The following KIAA0319 variants were observed in gnomAD, a reference collection of about 807,000 sequenced individuals.
KIAA0319 encodes the protein dyslexia-associated protein KIAA0319.
Under a neutral mutation model 108.4 loss-of-function variants are expected in KIAA0319, and 83 were observed. That is an observed-to-expected ratio of 0.77 (90% CI 0.64 to 0.92). The LOEUF (loss-of-function observed/expected upper bound fraction) is 0.92. Ranked by LOEUF, KIAA0319 falls within the 40% of genes least tolerant of loss-of-function variation. The probability of loss-of-function intolerance (pLI) is 0.00; values close to 1 mark genes in which losing one functional copy is unlikely to be tolerated. For missense variants in KIAA0319, 1,195 were observed against 1,322.4 expected, an observed-to-expected ratio of 0.90 and a Z score of 1.49; for synonymous variants, 484 against 510.4, an observed-to-expected ratio of 0.95 and a Z score of 0.70.
chr6:24,558,281 A>AG (rs985242314), intron 17 of KIAA0319, among the ~76,000 whole-genome samples: 96 of 151,876 alleles, frequency 6.3e-4, no homozygotes, highest in Middle Eastern at 3.4e-3. Flanking sequence ...ACCAAAAAAA[A>AG]AGAAAAGAAA....
At chr6:24,578,339 A>T in intron 8 of KIAA0319, 97 bp from the exon 9 acceptor site, 1 of 891,868 alleles carries the variant, frequency 1.1e-6, no homozygotes, top group Non-Finnish European at 1.7e-6. Flanking sequence ...CATTTTTATA[A>T]GAAATTATGT....
At position 24,544,558 on chromosome 6, in the gene KIAA0319, C is replaced by T. The variant is rs540265130; in HGVS notation, c.*2607G>A. 2.6e-5 allele frequency: 4 copies of T among 152,286 alleles called. No individual in the cohort carries two copies. Among genetic ancestry groups the T allele is most frequent in the African/African-American group, 7.2e-5 (3 of 41,566 alleles). The allele number at this position is 152,286 out of a possible 1,614,324, so 9.4% of individuals were successfully genotyped here. On this transcript the variant is annotated 3_prime_UTR_variant, in exon 21 of 21. Transcript: ENST00000378214. Reference sequence around the variant, plus strand: ...CTTGTTGAGTGGTACATTTTCTTACCTTGCTGCATGTTTTTCAGATAGTTC... The same window carrying T: ...CTTGTTGAGTGGTACATTTTCTTACTTTGCTGCATGTTTTTCAGATAGTTC...
Position 24,546,974 on chromosome 6 carries a change from A to T in KIAA0319, c.*191T>A. Reference sequence around the variant, plus strand: ...CCAGCCTTTATTTCTATTAACAAGCATCTCAGTTAAAAGAGCAAAGTTTTT... The same window carrying T: ...CCAGCCTTTATTTCTATTAACAAGCTTCTCAGTTAAAAGAGCAAAGTTTTT... On this transcript the variant is annotated 3_prime_UTR_variant, in exon 21 of 21. Coordinates refer to ENST00000378214, the MANE Select transcript of KIAA0319 (RefSeq NM_014809.4). 1.8e-6 allele frequency: 1 copy of T among 560,190 alleles called. No homozygotes were observed. Among genetic ancestry groups the T allele is most frequent in the Non-Finnish European group, 3.2e-6 (1 of 314,908 alleles). 34.7% of individuals were successfully genotyped at this position (560,190 alleles called of 1,614,324 possible).
At chr6:24,601,678 T>A (rs1171095433) in intron 1 of KIAA0319, among the ~76,000 whole-genome samples, 1 of 152,176 alleles carries the variant, frequency 6.6e-6, no homozygotes, top group Non-Finnish European at 1.5e-5. Flanking sequence ...GGAGGCATGT[T>A]TGGCTTTCTC....
intron 3 of KIAA0319, among the ~76,000 whole-genome samples, chr6:24,592,947 C>T (rs563199164): frequency 2.6e-5 from 4 of 151,728 alleles, no homozygotes; most frequent in South Asian, 2.1e-4. Context: ...ACTCCAGCCT[C>T]GGTGACAAAG....
intron 20 of KIAA0319, 87 bp downstream of exon 20, chr6:24,551,347 G>C (rs762691823): frequency 2.5e-5 from 22 of 881,080 alleles, no homozygotes; most frequent in South Asian, 4.1e-5. Flanking sequence ...CCAGCAAATC[G>C]TTCTCCCTCT....
At chr6:24,596,720 G>C (rs1304633967) in intron 2 of KIAA0319, 102 bp from the exon 3 acceptor site, 1 of 1,051,752 alleles carries the variant, frequency 9.5e-7, no homozygotes, top group African/African-American at 1.6e-5. Context: ...TCCCTGGCCA[G>C]TCTGGCAAGC....
intron 1 of KIAA0319, among the ~76,000 whole-genome samples, chr6:24,610,282 G>T (rs1230415436): frequency 1.3e-5 from 2 of 152,124 alleles, no homozygotes; most frequent in East Asian, 3.9e-4. Flanking sequence ...AACCTGAATA[G>T]ACAGTTCTCC....
intron 11 of KIAA0319, 93 bp downstream of exon 11, chr6:24,572,482 G>A (rs1449968019): frequency 4.2e-6 from 6 of 1,426,776 alleles, no homozygotes; most frequent in Admixed American, 2.2e-5. Flanking sequence ...CCCACAGGCC[G>A]GTACCACCAA....
Position 24,601,140 on chromosome 6 carries a change from G to A in KIAA0319, c.-37C>T, listed in dbSNP as rs1327693081. 3 of 1,612,590 alleles carry A rather than the reference G, an allele frequency of 1.9e-6. No individual in the cohort carries two copies. The highest frequency in any genetic ancestry group is 4.5e-5 in the East Asian group (2 of 44,840). On this transcript the variant is annotated 5_prime_UTR_variant, in exon 2 of 21. Transcript: ENST00000378214. The stretch of plus-strand genomic sequence containing the variant: ...CAGTGGGTGATGGCAGGCTTCTGAG[G>A]CGGCCCTGAAGAGAGTTTGGTGCAA...
intron 3 of KIAA0319, among the ~76,000 whole-genome samples, chr6:24,595,546 C>CAAAAAAAAAAAAAAA (rs60291863): frequency 2.3e-5 from 1 of 43,276 alleles, no homozygotes. Flanking sequence ...GATTCAATCT[C>CAAAAAAAAAAAAAAA]AAAAAAAAAA....
intron 1 of KIAA0319, among the ~76,000 whole-genome samples, chr6:24,628,433 C>G: frequency 6.6e-6 from 1 of 152,164 alleles, no homozygotes; most frequent in East Asian, 1.9e-4. Flanking sequence ...AGTGCAACTG[C>G]CCTGTGGGTT....
downstream of KIAA0319, among the ~76,000 whole-genome samples, chr6:24,540,163 CTG>C (rs1473789033): frequency 6.6e-6 from 1 of 152,100 alleles, no homozygotes; most frequent in Non-Finnish European, 1.5e-5. Context: ...AAGGAGTACA[CTG>C]TAAAATAACA....
At chr6:24,580,788 G>A (rs1766392710) in intron 7 of KIAA0319, 138 bp downstream of exon 7, 1 of 639,750 alleles carries the variant, frequency 1.6e-6, no homozygotes, top group Admixed American at 2.6e-5. Context: ...ATCTTTGCGT[G>A]TTTTCTCTAC....
At chr6:24,642,002 C>T (rs1309763537) in intron 1 of KIAA0319, among the ~76,000 whole-genome samples, 1 of 118,920 alleles carries the variant, frequency 8.4e-6, no homozygotes, top group Non-Finnish European at 1.6e-5. Flanking sequence ...GGTGACAGAG[C>T]AAGACCGTGT....
chr6:24,632,548 T>C (rs560218085), intron 1 of KIAA0319, among the ~76,000 whole-genome samples: 2 of 152,346 alleles, frequency 1.3e-5, no homozygotes, highest in Non-Finnish European at 2.9e-5. Flanking sequence ...CACTCCTTAC[T>C]GCCTGGGCCT....
rs769749773 is a variant in KIAA0319 at position 24,556,762 on chromosome 6, T to C, written c.2735-33A>G. Reference sequence around the variant, plus strand: ...GAGGTGTGTAGGGCTGAGGGCAGCATGCAGAAAAGGGAATCCCTGGATTCA... The same window carrying C: ...GAGGTGTGTAGGGCTGAGGGCAGCACGCAGAAAAGGGAATCCCTGGATTCA... On this transcript the variant is annotated intron_variant, in intron 17 of 20. Transcript: ENST00000378214. 7.5e-6 allele frequency: 12 copies of C among 1,590,758 alleles called. No individual in the cohort carries two copies. The East Asian group carries it at 1.1e-4, about 15-fold the overall frequency.
chr6:24,579,746 G>A (rs1257161150), intron 8 of KIAA0319, 112 bp downstream of exon 8: 7 of 741,598 alleles, frequency 9.4e-6, no homozygotes, highest in Admixed American at 3.0e-5. Context: ...GGAGGTGATC[G>A]TTTATCAAAG....
chr6:24,629,457 A>G (rs9358776), intron 1 of KIAA0319, among the ~76,000 whole-genome samples: 97,517 of 139,880 alleles, frequency 0.7, 34,725 homozygotes, highest in East Asian at 0.87. Flanking sequence ...AGAGCTTGCA[A>G]TGAGCCGAGA....
Sources: allele counts gnomAD v4.1 joint callset (sites outside exome capture counted in the v4.1 genomes callset), GRCh38; gene constraint gnomAD v4.1.1; transcripts MANE v1.5; gene names NCBI Gene and HGNC (gene_info 2026-07-23, HGNC 2026-07-21).